Variants in HIRA observed in about 807,000 individuals in gnomAD.
The protein encoded by HIRA is protein HIRA.
In HIRA, 13 loss-of-function variants were observed where a neutral mutation model predicts 126.6. The observed-to-expected ratio is 0.10, with a 90% CI of 0.07 to 0.16. HIRA has a LOEUF of 0.16. Ranked by LOEUF, HIRA falls within the 10% of genes least tolerant of loss-of-function variation. The probability of loss-of-function intolerance (pLI) is 1.00; values close to 1 mark genes in which losing one functional copy is unlikely to be tolerated. For synonymous variants in HIRA, 511 were observed against 520.0 expected (o/e 0.98, Z 0.24); for missense variants, 834 against 1,314.4 (o/e 0.63, Z 5.65).
rs544099601 is a variant in HIRA at position 19,354,080 on chromosome 22, C to T, written c.2600G>A (p.Cys867Tyr). ...TGGCAGGCTGCTCCTAAAGTCTGCA[C>T]ACTGAGCCAGTGAGTCCTGCTTGTC... ...VSDKQDSLAQ[C>Y]ADFRSSLPSQ... The change falls in exon 22 of 25, where the codon TGT becomes TAT. Residue 867 changes from cysteine (C) to tyrosine (Y), a missense_variant. This residue lies in a region of HIRA where 468 missense variants were observed against 574.2 expected (regional missense o/e 0.82). Transcript: ENST00000263208. 17 of 1,613,178 alleles carry T rather than the reference C, an allele frequency of 1.1e-5. No homozygotes were observed. In the Admixed American group the frequency reaches 2.7e-4, roughly 25 times the overall value.
At chr22:19,352,285 T>G (rs960437312) in intron 23 of HIRA, among the ~76,000 whole-genome samples, 13 of 151,744 alleles carry the variant, frequency 8.6e-5, no homozygotes, top group African/African-American at 2.7e-4. Context: ...ATGCAGGGCA[T>G]CAGAGCAAGT....
chr22:19,362,242 A>T (rs1601818311), intron 15 of HIRA, among the ~76,000 whole-genome samples: 1 of 152,240 alleles, frequency 6.6e-6, no homozygotes, highest in South Asian at 2.1e-4. Flanking sequence ...GAGAAAAAAA[A>T]CAATGAACAT....
intron 15 of HIRA, among the ~76,000 whole-genome samples, chr22:19,365,299 G>A (rs1283124040): frequency 6.6e-6 from 1 of 152,202 alleles, no homozygotes; most frequent in East Asian, 1.9e-4. Context: ...TGTCAGTGTA[G>A]GTAAAACAGC....
chr22:19,352,387 G>A (rs1556011184), intron 23 of HIRA, among the ~76,000 whole-genome samples: 1 of 152,158 alleles, frequency 6.6e-6, no homozygotes, highest in African/African-American at 2.4e-5. Flanking sequence ...GGAGAGGTAT[G>A]AGAGCCTGGG....
At chr22:19,388,273 C>T (rs2089145792) in intron 10 of HIRA, among the ~76,000 whole-genome samples, 1 of 152,214 alleles carries the variant, frequency 6.6e-6, no homozygotes, top group Admixed American at 6.5e-5. Flanking sequence ...TTTCCAGTGG[C>T]AAATTCTACA....
chr22:19,355,944 A>G, intron 20 of HIRA, 79 bp from the exon 21 acceptor site: 1 of 1,014,540 alleles, frequency 9.9e-7, no homozygotes, highest in East Asian at 2.5e-5. Context: ...AGAAATCTGT[A>G]CTCTAGGCTC....
intron 24 of HIRA, among the ~76,000 whole-genome samples, chr22:19,349,968 T>C (rs187708127): frequency 8.5e-4 from 129 of 152,210 alleles, no homozygotes; most frequent in African/African-American, 2.1e-3. Flanking sequence ...CTTATCTGTT[T>C]GTTTGGCCTT....
At chr22:19,341,397 C>T (rs2088626812) in intron 24 of HIRA, among the ~76,000 whole-genome samples, 1 of 146,480 alleles carries the variant, frequency 6.8e-6, no homozygotes, top group East Asian at 2.0e-4. Context: ...TGCCATGAGC[C>T]GAGATTGTGC....
At chr22:19,364,392 C>T (rs1020635841) in intron 15 of HIRA, among the ~76,000 whole-genome samples, 6 of 152,130 alleles carry the variant, frequency 3.9e-5, no homozygotes, top group African/African-American at 1.2e-4. Context: ...CACTGTGCTT[C>T]GCAGAGACTA....
intron 24 of HIRA, among the ~76,000 whole-genome samples, chr22:19,332,032 C>T (rs2146499696): frequency 6.6e-6 from 1 of 152,296 alleles, no homozygotes; most frequent in African/African-American, 2.4e-5. Flanking sequence ...GCCAGTATCC[C>T]CTGATGTGGA....
At chr22:19,373,931 C>CATTTTTTTTTTTTTTT (rs2088991855) in intron 15 of HIRA, among the ~76,000 whole-genome samples, 1 of 149,794 alleles carries the variant, frequency 6.7e-6, no homozygotes, top group Non-Finnish European at 1.5e-5. Flanking sequence ...ACTGCTCTGG[C>CATTTTTTTTTTTTTTT]TTTTTTGTTC....
chr22:19,431,359 G>A (rs1390746810), intron 1 of HIRA, 81 bp downstream of exon 1: 5 of 1,478,120 alleles, frequency 3.4e-6, no homozygotes, highest in African/African-American at 1.4e-5. Context: ...GAGACAGGCA[G>A]GACTTGCGCG....
intron 10 of HIRA, 84 bp downstream of exon 10, chr22:19,388,400 C>A: frequency 9.3e-7 from 1 of 1,073,876 alleles, no homozygotes; most frequent in Non-Finnish European, 1.4e-6. Flanking sequence ...GGCCACCTGA[C>A]CCTAGTCACA....
intron 1 of HIRA, among the ~76,000 whole-genome samples, chr22:19,427,456 ATTAT>A (rs959532461): frequency 1.6e-4 from 25 of 152,350 alleles, no homozygotes; most frequent in African/African-American, 6.0e-4. Flanking sequence ...TTCAAGCTGA[ATTAT>A]TTAATTTTCA....
chr22:19,400,544 C>T (rs753052132), intron 5 of HIRA, among the ~76,000 whole-genome samples: 5 of 152,218 alleles, frequency 3.3e-5, no homozygotes, highest in African/African-American at 7.2e-5. Flanking sequence ...CTTCCAGATA[C>T]GATCCTTTAG....
intron 11 of HIRA, among the ~76,000 whole-genome samples, chr22:19,386,073 T>C (rs2089124390): frequency 6.6e-6 from 1 of 152,234 alleles, no homozygotes; most frequent in South Asian, 2.1e-4. Flanking sequence ...CTCAAGGTGC[T>C]AACTTAAGGC....
intron 9 of HIRA, among the ~76,000 whole-genome samples, chr22:19,390,625 A>AAAAAAAAAAAAAAAAAAAAAAAAAAG (rs1569304503): frequency 6.7e-6 from 1 of 148,558 alleles, no homozygotes; most frequent in Non-Finnish European, 1.5e-5. Context: ...AAAAAAAAAA[A>AAAAAAAAAAAAAAAAAAAAAAAAAAG]AAGAAGCTGA....
intron 21 of HIRA, among the ~76,000 whole-genome samples, chr22:19,354,351 G>A (rs1366301923): frequency 6.6e-6 from 1 of 152,254 alleles, no homozygotes; most frequent in African/African-American, 2.4e-5. Flanking sequence ...TGAAGTGAAG[G>A]CTGTGGATAG....
rs749997059 is a variant in HIRA at position 19,408,541 on chromosome 22, C to T, written c.153G>A (p.Glu51=). The part of the protein sequence containing the change: ...VIWNMSPVLQ[E]DDEKDENIPK... The stretch of plus-strand genomic sequence containing the variant: ...GAATATTTTCATCCTTCTCGTCATC[C>T]TCCTGGAGGACTGGAGACATATTCC... Residue 51 remains glutamate, a synonymous_variant, in exon 3 of 25, where the codon GAG becomes GAA. Coordinates refer to ENST00000263208, the MANE Select transcript of HIRA (RefSeq NM_003325.4). The T allele has an allele frequency of 1.9e-6, 3 of 1,613,844 alleles. No individual in the cohort carries two copies. The highest frequency in any genetic ancestry group is 2.7e-5 in the African/African-American group (2 of 74,930).
Sources: allele counts gnomAD v4.1 joint callset (sites outside exome capture counted in the v4.1 genomes callset), GRCh38; gene constraint gnomAD v4.1.1; regional missense constraint gnomAD v4.1.1; transcripts MANE v1.5; gene names NCBI Gene and HGNC (gene_info 2026-07-23, HGNC 2026-07-21).